FCHSD2: variants seen among roughly 807,000 people sequenced by gnomAD.
FCHSD2 encodes FCH and double SH3 domains 2.
Under a neutral mutation model 108.1 loss-of-function variants are expected in FCHSD2, and 38 were observed. The ratio of observed to expected loss-of-function variants is 0.35; its 90% CI spans 0.27 to 0.46. The LOEUF (loss-of-function observed/expected upper bound fraction) is 0.46, where lower values mean the gene tolerates loss of function less well. FCHSD2 is among the 20% of genes least tolerant of loss of function. The probability of loss-of-function intolerance (pLI) is 1.00; values close to 1 mark genes in which losing one functional copy is unlikely to be tolerated. For synonymous variants in FCHSD2, 279 were observed against 314.7 expected, an observed-to-expected ratio of 0.89 and a Z score of 1.20; for missense variants, 751 against 897.8, an observed-to-expected ratio of 0.84 and a Z score of 2.09.
chr11:72,993,210 T>C (rs1035089048), intron 5 of FCHSD2, among the ~76,000 whole-genome samples: 3 of 152,070 alleles, frequency 2.0e-5, no homozygotes, highest in African/African-American at 7.2e-5. Flanking sequence ...CACAATGAGA[T>C]ACCATCTCAC....
At chr11:73,066,743 C>G (rs1221047285) in intron 3 of FCHSD2, among the ~76,000 whole-genome samples, 1 of 152,148 alleles carries the variant, frequency 6.6e-6, no homozygotes, top group Non-Finnish European at 1.5e-5. Context: ...TGCTCATCAT[C>G]ATTGGTCATT....
At chr11:72,991,340 G>A (rs1857410489) in intron 5 of FCHSD2, among the ~76,000 whole-genome samples, 1 of 152,140 alleles carries the variant, frequency 6.6e-6, no homozygotes, top group Admixed American at 6.5e-5. Context: ...GAAAAAGAGG[G>A]AATCCTCCCT....
At chr11:73,103,142 A>C (rs1273431172) in intron 2 of FCHSD2, among the ~76,000 whole-genome samples, 1 of 152,170 alleles carries the variant, frequency 6.6e-6, no homozygotes, top group Non-Finnish European at 1.5e-5. Context: ...GGATGATGGA[A>C]ATGTTCTATA....
At chr11:72,869,728 T>C (rs181624383) in intron 12 of FCHSD2, 8 of 152,280 alleles carry the variant, frequency 5.3e-5, no homozygotes, top group Admixed American at 5.2e-4. Context: ...TCAAGAGTGA[T>C]AAAGTCTGTT....
chr11:72,922,322 A>G (rs1214214904), intron 8 of FCHSD2, among the ~76,000 whole-genome samples: 3 of 152,206 alleles, frequency 2.0e-5, no homozygotes, highest in Non-Finnish European at 4.4e-5. Context: ...ACACTCTACA[A>G]TAATCTCCGT....
intron 4 of FCHSD2, among the ~76,000 whole-genome samples, chr11:73,005,330 T>C (rs374432808): frequency 5.9e-5 from 9 of 152,340 alleles, no homozygotes; most frequent in African/African-American, 2.2e-4. Flanking sequence ...TCTTCTGAAA[T>C]TGCTTGCCAA....
chr11:72,914,779 C>A (rs1246507063), intron 9 of FCHSD2, among the ~76,000 whole-genome samples: 1 of 152,088 alleles, frequency 6.6e-6, no homozygotes, highest in African/African-American at 2.4e-5. Flanking sequence ...ACTATAAAAA[C>A]CCTAGAGGAA....
At chr11:72,856,306 TC>T (rs142195604) in intron 13 of FCHSD2, among the ~76,000 whole-genome samples, 2,380 of 152,210 alleles carry the variant, frequency 0.016, 34 homozygotes, top group Non-Finnish European at 0.026. Flanking sequence ...ATATGATGAG[TC>T]CAAAAGTACA....
At chr11:73,040,458 T>C (rs1367037192) in intron 3 of FCHSD2, among the ~76,000 whole-genome samples, 2 of 152,198 alleles carry the variant, frequency 1.3e-5, no homozygotes, top group African/African-American at 4.8e-5. Flanking sequence ...TCAAACACCA[T>C]ACAGTTTATT....
At chr11:73,022,206 A>G (rs1858126100) in intron 3 of FCHSD2, among the ~76,000 whole-genome samples, 1 of 152,222 alleles carries the variant, frequency 6.6e-6, no homozygotes, top group South Asian at 2.1e-4. Flanking sequence ...GATAGAGATA[A>G]GGCAAAGATT....
intron 3 of FCHSD2, among the ~76,000 whole-genome samples, chr11:73,028,800 A>T (rs2135448557): frequency 6.6e-6 from 1 of 152,256 alleles, no homozygotes; most frequent in Admixed American, 6.5e-5. Flanking sequence ...GTGAGTTCTC[A>T]TGAGAGCTGA....
In FCHSD2 at chr11:73,096,196, G is replaced by C. The variant is rs4944820; in HGVS notation, c.120-12456C>G. Among the ~76,000 whole-genome samples, 894 of 152,054 alleles carry C rather than the reference G, an allele frequency of 5.9e-3. 23 individuals are homozygous for C. Among genetic ancestry groups the C allele is most frequent in the East Asian group, 0.039 (201 of 5,184 alleles). On this transcript the variant is annotated intron_variant, in intron 2 of 19. Coordinates refer to ENST00000409418, the MANE Select transcript of FCHSD2 (RefSeq NM_014824.3). ...AGCAAAAAAATGCTGTCATGAAAGA[G>C]ATAATATGTAACCAAATATTTAAAA...
chr11:72,905,883 G>A (rs1855619318), intron 9 of FCHSD2, among the ~76,000 whole-genome samples: 1 of 152,204 alleles, frequency 6.6e-6, no homozygotes, highest in Admixed American at 6.5e-5. Flanking sequence ...ATTGTGAATA[G>A]TGCCGCAATA....
At chr11:73,057,785 C>A (rs1187194470) in intron 3 of FCHSD2, among the ~76,000 whole-genome samples, 1 of 152,132 alleles carries the variant, frequency 6.6e-6, no homozygotes, top group Admixed American at 6.5e-5. Flanking sequence ...TGTATTGCGC[C>A]CCACAGCTAT....
rs1190567152 is a variant in FCHSD2, at chr11:72,837,466, A to G, written c.*1325T>C. Reference sequence around the variant, plus strand: ...TGCAAATTTGATTTCTTAACCAAGGAAAAAAAAAAAAAACAAACCACAACC... The same window carrying G: ...TGCAAATTTGATTTCTTAACCAAGGGAAAAAAAAAAAAACAAACCACAACC... On this transcript the variant is annotated 3_prime_UTR_variant, in exon 20 of 20. Coordinates refer to ENST00000409418, the MANE Select transcript of FCHSD2 (RefSeq NM_014824.3). The G allele has an allele frequency of 1.8e-4, 22 of 120,630 alleles. No individual in the cohort carries two copies. The highest frequency in any genetic ancestry group is 4.6e-4 in the African/African-American group (15 of 32,918). 7.5% of individuals were successfully genotyped at this position (120,630 alleles called of 1,614,324 possible). A position where few individuals can be genotyped will look rare whatever the true frequency, so the allele number is the denominator to read the frequency against.
intron 16 of FCHSD2, 101 bp from the exon 17 acceptor site, chr11:72,842,942 G>T: frequency 1.0e-6 from 1 of 993,148 alleles, no homozygotes; most frequent in Non-Finnish European, 1.5e-6. Flanking sequence ...GCATCATACA[G>T]AATAGGATTA....
intron 8 of FCHSD2, among the ~76,000 whole-genome samples, chr11:72,955,226 G>A (rs1214768743): frequency 1.3e-5 from 2 of 152,078 alleles, no homozygotes; most frequent in Non-Finnish European, 2.9e-5. Context: ...CCTTTCTTAG[G>A]GTCGATTAGT....
intron 4 of FCHSD2, among the ~76,000 whole-genome samples, chr11:73,006,410 A>G (rs979920026): frequency 2.0e-5 from 3 of 152,166 alleles, no homozygotes; most frequent in African/African-American, 7.2e-5. Context: ...GTTGGCTCAA[A>G]CCCAAAGCCC....
At chr11:72,981,754 T>A (rs2135396447) in intron 8 of FCHSD2, among the ~76,000 whole-genome samples, 1 of 152,268 alleles carries the variant, frequency 6.6e-6, no homozygotes, top group South Asian at 2.1e-4. Flanking sequence ...GGTGGGAGGA[T>A]CTCTTAAGCC....
Sources: gnomAD v4.1 joint callset for allele counts (sites outside exome capture counted in the v4.1 genomes callset) on GRCh38, gnomAD v4.1.1 for gene constraint, MANE v1.5 for transcripts, NCBI Gene and HGNC (gene_info 2026-07-23, HGNC 2026-07-21) for gene names.